Variants in SYT7 observed in about 807,000 individuals in gnomAD.
The protein encoded by SYT7 is synaptotagmin 7.
Under a neutral mutation model 75.1 loss-of-function variants are expected in SYT7, and 29 were observed. The observed-to-expected ratio is 0.39, with a 90% confidence interval of 0.29 to 0.53. The LOEUF (loss-of-function observed/expected upper bound fraction) is 0.53, where lower values mean the gene tolerates loss of function less well. Among genes scored for constraint, SYT7 ranks in the 20% least tolerant of loss-of-function variants. SYT7 has a pLI of 0.77. For synonymous variants in SYT7, 376 were observed against 401.7 expected (o/e 0.94, Z 0.76); for missense variants, 693 against 953.2 (o/e 0.73, Z 3.59).
rs1239422074 is a variant in SYT7, at chr11:61,546,185, C to A, written c.418G>T (p.Gly140Trp). The stretch of plus-strand genomic sequence containing the variant: ...GGCGGCACCGGTGCCGGCTTCTCCC[C>A]CAGCCGGCCTTCCCGCTCCACCGCC... Reference protein sequence around the residue: ...GLAVEREGRLGEKPAPVPPPG... With the variant: ...GLAVEREGRLWEKPAPVPPPG... The change falls in exon 5 of 13, where the codon GGG becomes TGG. Residue 140 changes from glycine (G) to tryptophan (W), a missense_variant. This residue lies in a region of SYT7 where 487 missense variants were observed against 593.2 expected (regional missense o/e 0.82). Coordinates refer to ENST00000539008, the MANE Select transcript of SYT7 (RefSeq NM_001365809.2). This position sits in a 1 kb window ranked among gnomAD's most constrained non-coding sequence, Gnocchi z 7.6. The A allele has an allele frequency of 1.3e-6, 2 of 1,519,152 alleles. No individual in the cohort carries two copies. The highest frequency in any genetic ancestry group is 5.1e-5 in the East Asian group (2 of 39,162). The allele number at this position is 1,519,152 out of a possible 1,614,324, so 94.1% of individuals were successfully genotyped here.
chr11:61,585,203 C>T (rs1349128583), upstream of SYT7, among the ~76,000 whole-genome samples: 4 of 152,242 alleles, frequency 2.6e-5, no homozygotes, highest in Non-Finnish European at 5.9e-5. Context: ...CCTCTGGCCT[C>T]TACCTGGCAT....
chr11:61,547,622 T>G (rs2063230321), intron 3 of SYT7, among the ~76,000 whole-genome samples: 1 of 130,202 alleles, frequency 7.7e-6, no homozygotes, highest in African/African-American at 3.0e-5. Flanking sequence ...CCTGGGAAGC[T>G]GGTGGGAGAG....
chr11:61,534,861 C>T (rs76581025), intron 7 of SYT7, among the ~76,000 whole-genome samples: 2,199 of 151,620 alleles, frequency 0.015, 49 homozygotes, highest in African/African-American at 0.051. Flanking sequence ...CACACACACA[C>T]GAGAGGACAC....
intron 8 of SYT7, 25 bp downstream of exon 8, chr11:61,532,964 G>A: frequency 1.2e-6 from 2 of 1,611,200 alleles, no homozygotes; most frequent in Non-Finnish European, 1.7e-6. Context: ...GTTCCTTGGA[G>A]CAGCGCAGGC....
chr11:61,542,514 G>A lies in SYT7; in HGVS notation c.638C>T (p.Pro213Leu), dbSNP rs2063073757. ...CAGGGTGCGGGGTCGCTGGCATTTC[G>A]GCTCTCCCGTGGAGCTGGGGATAGA... is the stretch of plus-strand genomic sequence containing the variant. ...LESIPSSTGE[P>L]KCQRPRTLMR... The change falls in exon 6 of 13, where the codon CCG becomes CTG. Residue 213 changes from proline (P) to leucine (L), a missense_variant. By Grantham distance (98) the Pro-to-Leu change is moderately conservative. This residue lies in a region of SYT7 where 487 missense variants were observed against 593.2 expected (regional missense o/e 0.82). Coordinates refer to ENST00000539008, the MANE Select transcript of SYT7 (RefSeq NM_001365809.2). The surrounding 1 kb of genome is among the most constrained non-coding windows in gnomAD (Gnocchi z 7.8). 5 of 1,531,680 alleles carry A rather than the reference G, an allele frequency of 3.3e-6. No homozygotes were observed. Among genetic ancestry groups the A allele is most frequent in the African/African-American group, 1.4e-5 (1 of 72,726 alleles). 94.9% of individuals were successfully genotyped at this position (1,531,680 alleles called of 1,614,324 possible). A position where few individuals can be genotyped will look rare whatever the true frequency, so the allele number is the denominator to read the frequency against.
At chr11:61,532,767 T>C (rs997829424) in intron 8 of SYT7, among the ~76,000 whole-genome samples, 1 of 152,136 alleles carries the variant, frequency 6.6e-6, no homozygotes, top group Non-Finnish European at 1.5e-5. Flanking sequence ...ATGGAGAAGA[T>C]ATTTTGGTGA....
chr11:61,560,662 A>C (rs946246221), intron 1 of SYT7, among the ~76,000 whole-genome samples: 3 of 152,182 alleles, frequency 2.0e-5, no homozygotes, highest in Non-Finnish European at 4.4e-5. Flanking sequence ...GGAGATCCTA[A>C]GGGGGATGTC....
At chr11:61,584,719 G>A (rs1399769119), upstream of SYT7, among the ~76,000 whole-genome samples, 2 of 152,186 alleles carry the variant, frequency 1.3e-5, no homozygotes, top group Admixed American at 6.5e-5. Flanking sequence ...GAGTACTCAC[G>A]GAGAACTGGG....
At chr11:61,527,720 T>C (rs990409570) in intron 9 of SYT7, among the ~76,000 whole-genome samples, 195 bp downstream of exon 9, 27 of 152,196 alleles carry the variant, frequency 1.8e-4, no homozygotes, top group Admixed American at 1.4e-3. Flanking sequence ...CGAGAGCACA[T>C]GTGTGGATCT....
rs757090284 is a variant in SYT7 at position 61,538,275 on chromosome 11, G to A, written c.942-9C>T. ...CCACCATCCGGCCTTCCCTGCCCGG[G>A]GAGGGCAGCCCACAGGCCAGGGTGA... On this transcript the variant is annotated splice_polypyrimidine_tract_variant and intron_variant, in intron 6 of 12. Coordinates refer to ENST00000539008, the MANE Select transcript of SYT7 (RefSeq NM_001365809.2). The A allele has an allele frequency of 1.3e-6, 2 of 1,532,314 alleles. No homozygotes were observed. The highest frequency in any genetic ancestry group is 4.9e-5 in the East Asian group (2 of 40,696). 94.9% of individuals were successfully genotyped at this position (1,532,314 alleles called of 1,614,324 possible).
intron 7 of SYT7, among the ~76,000 whole-genome samples, chr11:61,536,810 GC>G (rs1021510022): frequency 3.3e-5 from 5 of 152,152 alleles, no homozygotes; most frequent in African/African-American, 1.2e-4. Context: ...ATCCTCCCTA[GC>G]CCACAAGCCC....
At chr11:61,538,594 G>C (rs770811507) in intron 6 of SYT7, among the ~76,000 whole-genome samples, 2 of 152,134 alleles carry the variant, frequency 1.3e-5, no homozygotes, top group African/African-American at 2.4e-5. Flanking sequence ...AAACTGCAAG[G>C]GGCTGGGCAG....
At position 61,551,564 on chromosome 11, in the gene SYT7, G is replaced by T. The variant is rs979471360; in HGVS notation, c.136-101C>A. ...AGGGGAAGGAGATAGACTGGAGTCG[G>T]GCCGTGGCAACAAGGCCAGGACCAG... On this transcript the variant is annotated intron_variant, in intron 2 of 12. Coordinates refer to ENST00000539008, the MANE Select transcript of SYT7 (RefSeq NM_001365809.2). The surrounding 1 kb of genome is among the most constrained non-coding windows in gnomAD (Gnocchi z 5.3). 1 of 1,243,238 alleles carries T rather than the reference G, an allele frequency of 8.0e-7. No homozygotes were observed. The highest frequency in any genetic ancestry group is 1.5e-5 in the African/African-American group (1 of 67,656). The allele number at this position is 1,243,238 out of a possible 1,614,324, so 77.0% of individuals were successfully genotyped here.
chr11:61,535,336 C>A (rs1452936008), intron 7 of SYT7, among the ~76,000 whole-genome samples: 1 of 152,216 alleles, frequency 6.6e-6, no homozygotes, highest in Non-Finnish European at 1.5e-5. Context: ...AACATGGTGG[C>A]TTCAGAGTAG....
In SYT7 at chr11:61,523,359, G is replaced by A. The variant is rs2062409775; in HGVS notation, c.1757-85C>T. 1 of 1,343,454 alleles carries A rather than the reference G, an allele frequency of 7.4e-7. No homozygotes were observed. The highest frequency in any genetic ancestry group is 1.4e-5 in the African/African-American group (1 of 69,562). The allele number at this position is 1,343,454 out of a possible 1,614,324, so 83.2% of individuals were successfully genotyped here. On this transcript the variant is annotated intron_variant, in intron 11 of 12. Transcript: ENST00000539008. The surrounding 1 kb of genome is among the most constrained non-coding windows in gnomAD (Gnocchi z 5.0). Reference sequence around the variant, plus strand: ...TTTTCCCCTTCCAGGAATGGAAGCTGAGGCAGGAGGGCCGTGTGCTTTCCC... The same window carrying A: ...TTTTCCCCTTCCAGGAATGGAAGCTAAGGCAGGAGGGCCGTGTGCTTTCCC...
At position 61,553,375 on chromosome 11, in the gene SYT7, C is replaced by T. The variant is rs1231402489; in HGVS notation, c.136-1912G>A. Among the ~76,000 whole-genome samples the T allele has an allele frequency of 3.9e-5, 6 of 152,340 alleles. No homozygotes were observed. Among genetic ancestry groups the T allele is most frequent in the Admixed American group, 2.6e-4 (4 of 15,304 alleles). On this transcript the variant is annotated intron_variant, in intron 2 of 12. Transcript: ENST00000539008. The surrounding 1 kb of genome is among the most constrained non-coding windows in gnomAD (Gnocchi z 5.2). ...ATCCCATGCCACCCCTCGCCCTTCT[C>T]TTCCTTCTTTCTGGCTTGGCAGGAG...
In SYT7 at chr11:61,515,463, T is replaced by C. The variant is rs987848971; in HGVS notation, c.*3164A>G. 8.9e-6 allele frequency: 1 copy of C among 111,816 alleles called. No homozygotes were observed. Among genetic ancestry groups the C allele is most frequent in the African/African-American group, 3.7e-5 (1 of 27,108 alleles). The allele number at this position is 111,816 out of a possible 1,614,324, so 6.9% of individuals were successfully genotyped here. A position where few individuals can be genotyped will look rare whatever the true frequency, so the allele number is the denominator to read the frequency against. ...ATTTTGTATGGTTCTTTTTTTCCTG[T>C]TTTTTTTTTTTCTTCAGTTTTTCTT... On this transcript the variant is annotated 3_prime_UTR_variant, in exon 13 of 13. Transcript: ENST00000539008.
rs1010703864 is a variant in SYT7 at position 61,514,313 on chromosome 11, A to T, written c.*4314T>A. ...CCCCGGGGCTTCCTCTGATCTCTGG[A>T]ACAGAGATCAGAAGTGATATCTAAA... On this transcript the variant is annotated 3_prime_UTR_variant, in exon 13 of 13. Coordinates refer to ENST00000539008, the MANE Select transcript of SYT7 (RefSeq NM_001365809.2). Among the ~76,000 whole-genome samples, 6 of 152,196 alleles carry T rather than the reference A, an allele frequency of 3.9e-5. No individual in the cohort carries two copies. The highest frequency in any genetic ancestry group is 1.9e-4 in the East Asian group (1 of 5,188).
rs1439357654 is a variant in SYT7 at position 61,551,113 on chromosome 11, C to T, written c.215+271G>A. ...GAGGGTGGGATGAGAAAGCGGCAAC[C>T]AGGGTTGAGGTGGGCGCAGAAGGTG... is the stretch of plus-strand genomic sequence containing the variant. On this transcript the variant is annotated intron_variant, in intron 3 of 12. Coordinates refer to ENST00000539008, the MANE Select transcript of SYT7 (RefSeq NM_001365809.2). The surrounding 1 kb of genome is among the most constrained non-coding windows in gnomAD (Gnocchi z 5.3). Among the ~76,000 whole-genome samples, 2 of 152,092 alleles carry T rather than the reference C, an allele frequency of 1.3e-5. No homozygotes were observed. Among genetic ancestry groups the T allele is most frequent in the Admixed American group, 1.3e-4 (2 of 15,276 alleles).
Sources: gnomAD v4.1 joint callset for allele counts (sites outside exome capture counted in the v4.1 genomes callset) on GRCh38, gnomAD v4.1.1 for gene constraint, gnomAD v4.1.1 regional missense constraint, Gnocchi (gnomAD v3.1) non-coding constraint, MANE v1.5 for transcripts, NCBI Gene and HGNC (gene_info 2026-07-23, HGNC 2026-07-21) for gene names.